Variants in STARD8 observed in about 807,000 individuals in gnomAD.
The protein encoded by STARD8 is StAR related lipid transfer domain containing 8.
In STARD8, 25 loss-of-function variants were observed where a neutral mutation model predicts 69.4. That is an observed-to-expected ratio of 0.36 (90% CI 0.26 to 0.50). The LOEUF (loss-of-function observed/expected upper bound fraction) is 0.50, where lower values mean the gene tolerates loss of function less well. Among genes scored for constraint, STARD8 ranks in the 20% least tolerant of loss-of-function variants. The pLI, the probability that STARD8 is intolerant of heterozygous loss-of-function variation, is 0.96. For missense variants in STARD8, 921 were observed against 932.5 expected (o/e 0.99, Z 0.16); for synonymous variants, 389 against 374.6 (o/e 1.04, Z -0.45).
At chrX:68,674,021 T>C (rs938918755) in intron 2 of STARD8, among the ~76,000 whole-genome samples, 4 of 111,598 alleles carry the variant, frequency 3.6e-5, no homozygotes, top group African/African-American at 1.3e-4. Context: ...TACCTGGGCA[T>C]GATGGCTCAC....
intron 2 of STARD8, among the ~76,000 whole-genome samples, chrX:68,670,651 C>G (rs187066038): frequency 1.0e-3 from 111 of 111,345 alleles, no homozygotes; most frequent in Middle Eastern, 4.6e-3. Flanking sequence ...GGTGGAAAGA[C>G]AGGTCTGAAA....
intron 1 of STARD8, among the ~76,000 whole-genome samples, chrX:68,661,276 G>C (rs1265325018): frequency 1.8e-5 from 2 of 111,783 alleles, no homozygotes; most frequent in Non-Finnish European, 3.8e-5. Flanking sequence ...CATAGCCTTT[G>C]CAGCTTGTCT....
chrX:68,652,943 C>A (rs796538928), intron 1 of STARD8, among the ~76,000 whole-genome samples: 2 of 15,967 alleles, frequency 1.3e-4, no homozygotes, highest in African/African-American at 4.2e-4. Flanking sequence ...ACCACACACA[C>A]ACACCACACC....
chrX:68,683,439 A>G (rs1011088749), intron 2 of STARD8, among the ~76,000 whole-genome samples: 1 of 111,907 alleles, frequency 8.9e-6, no homozygotes, highest in African/African-American at 3.3e-5. Context: ...CACATGACAA[A>G]CACTCCATAA....
At position 68,718,188 on chromosome X, in the gene STARD8, C is replaced by A; in HGVS notation, c.1274C>A (p.Ser425Ter). The change falls in exon 6 of 15, where the codon TCA becomes TAA. Residue 425 changes from serine (S) to a stop codon, truncating the protein, a stop_gained. Coordinates refer to ENST00000374599, the MANE Select transcript of STARD8 (RefSeq NM_001142503.3). LOFTEE classifies it high-confidence loss of function. Reference protein sequence around the residue: ...PGDEEEEEATSSVEIATVEVK... With the variant: ...PGDEEEEEAT ...GATGAGGAAGAGGAGGAGGCCACTTCATCAGTAGAAATAGCCACAGTTGAG... is the reference window on the plus strand; with the variant it reads ...GATGAGGAAGAGGAGGAGGCCACTTAATCAGTAGAAATAGCCACAGTTGAG... The A allele has an allele frequency of 8.3e-7, 1 of 1,211,748 alleles. No homozygotes were observed. Among genetic ancestry groups the A allele is most frequent in the Non-Finnish European group, 1.1e-6 (1 of 895,489 alleles).
intron 1 of STARD8, among the ~76,000 whole-genome samples, chrX:68,659,238 AT>A (rs2079629827): frequency 8.9e-6 from 1 of 111,859 alleles, no homozygotes; most frequent in Admixed American, 9.5e-5. Context: ...AAGATAGTTG[AT>A]TGATTGCTCT....
intron 2 of STARD8, among the ~76,000 whole-genome samples, chrX:68,711,879 G>A (rs947075617): frequency 9.8e-5 from 11 of 112,775 alleles, no homozygotes; most frequent in African/African-American, 3.5e-4. Flanking sequence ...GATCAGCTCT[G>A]CTGAAGCCAG....
intron 10 of STARD8, 142 bp from the exon 11 acceptor site, chrX:68,721,905 G>A (rs1426196610): frequency 5.1e-6 from 4 of 782,542 alleles, no homozygotes; most frequent in African/African-American, 2.1e-5. Flanking sequence ...ATGCTGTGGA[G>A]CAGGGCCTTC....
At chrX:68,722,196 G>C in intron 11 of STARD8, 35 bp downstream of exon 11, 1 of 1,130,453 alleles carries the variant, frequency 8.8e-7, no homozygotes. Context: ...CTACTTACCA[G>C]ACCTGGGGGA....
In STARD8 at chrX:68,725,830, A is replaced by C. The variant is rs1478361881; in HGVS notation, c.*1408A>C. On this transcript the variant is annotated 3_prime_UTR_variant, in exon 15 of 15. Coordinates refer to ENST00000374599, the MANE Select transcript of STARD8 (RefSeq NM_001142503.3). ...CCTCAAATCAATAAAGCATTACCAG[A>C]GATGCACTTTAACTGTGTGGCTGTC... 2.7e-5 allele frequency: 3 copies of C among 109,384 alleles called. No individual in the cohort carries two copies. Among genetic ancestry groups the C allele is most frequent in the African/African-American group, 1.0e-4 (3 of 29,973 alleles). The allele number at this position is 109,384 out of a possible 1,213,427, so 9.0% of individuals were successfully genotyped here.
At chrX:68,715,137 GGGC>G (rs2080081501) in intron 3 of STARD8, among the ~76,000 whole-genome samples, 154 bp from the exon 4 acceptor site, 1 of 111,554 alleles carries the variant, frequency 9.0e-6, no homozygotes, top group Admixed American at 9.4e-5. Context: ...TGAACTCCCT[GGGC>G]ACCCTCCTTT....
chrX:68,652,881 C>CACACACACACCACACCAA (rs2079561706), intron 1 of STARD8, among the ~76,000 whole-genome samples: 1 of 837 alleles, frequency 1.2e-3, no homozygotes, highest in African/African-American at 4.8e-3. Context: ...ACCCACACCC[C>CACACACACACCACACCAA]ACACACACAC....
Position 68,725,140 on chromosome X carries a change from C to A in STARD8, c.*718C>A, listed in dbSNP as rs945191548. ...TCGAGATGCCAGTGAAACCAGTATT[C>A]CCTGACTTGGGTTTCACACTTTATC... is the stretch of plus-strand genomic sequence containing the variant. On this transcript the variant is annotated 3_prime_UTR_variant, in exon 15 of 15. Coordinates refer to ENST00000374599, the MANE Select transcript of STARD8 (RefSeq NM_001142503.3). The A allele has an allele frequency of 5.4e-5, 6 of 111,181 alleles. No homozygotes were observed. Among genetic ancestry groups the A allele is most frequent in the Non-Finnish European group, 7.5e-5 (4 of 53,027 alleles). The allele number at this position is 111,181 out of a possible 1,213,427, so 9.2% of individuals were successfully genotyped here. A position where few individuals can be genotyped will look rare whatever the true frequency, so the allele number is the denominator to read the frequency against.
At chrX:68,715,401 G>T in intron 4 of STARD8, 26 bp downstream of exon 4, 1 of 1,156,686 alleles carries the variant, frequency 8.6e-7, no homozygotes, top group Non-Finnish European at 1.2e-6. Flanking sequence ...GCCAGGCCTG[G>T]GAAGCCAAAG....
intron 2 of STARD8, among the ~76,000 whole-genome samples, chrX:68,681,090 A>G (rs1275923477): frequency 1.8e-5 from 2 of 111,437 alleles, no homozygotes; most frequent in African/African-American, 6.5e-5. Context: ...GCACACATAT[A>G]CACTGTTTCT....
At chrX:68,703,429 G>A (rs1402152211) in intron 2 of STARD8, among the ~76,000 whole-genome samples, 1 of 112,622 alleles carries the variant, frequency 8.9e-6, no homozygotes, top group African/African-American at 3.2e-5. Flanking sequence ...CATGGCCTGA[G>A]CATGCACGTC....
At chrX:68,714,067 G>A (rs2080073047) in intron 3 of STARD8, among the ~76,000 whole-genome samples, 1 of 111,879 alleles carries the variant, frequency 8.9e-6, no homozygotes, top group Non-Finnish European at 1.9e-5. Context: ...TACCTCCACT[G>A]CCACAGCCTG....
chrX:68,705,786 C>A (rs936375521), intron 2 of STARD8, among the ~76,000 whole-genome samples: 1 of 112,786 alleles, frequency 8.9e-6, no homozygotes, highest in Non-Finnish European at 1.9e-5. Context: ...GCATTTACTC[C>A]TTGACCCCCA....
In STARD8 at chrX:68,717,497, G is replaced by A; in HGVS notation, c.583G>A (p.Gly195Ser). The change falls in exon 6 of 15, where the codon GGT becomes AGT. Residue 195 changes from glycine (G) to serine (S), a missense_variant. Coordinates refer to ENST00000374599, the MANE Select transcript of STARD8 (RefSeq NM_001142503.3). ...PLLSPTQGQE[G>S]PQDKAKKRHR... ...CCTCAGCCCCACCCAGGGCCAGGAGGGTCCCCAGGACAAAGCCAAGAAGCG... is the reference window on the plus strand; with the variant it reads ...CCTCAGCCCCACCCAGGGCCAGGAGAGTCCCCAGGACAAAGCCAAGAAGCG... 8 of 1,210,753 alleles carry A rather than the reference G, an allele frequency of 6.6e-6. No individual in the cohort carries two copies. Among genetic ancestry groups the A allele is most frequent in the Non-Finnish European group, 8.9e-6 (8 of 895,522 alleles).
Sources: allele counts gnomAD v4.1 joint callset (sites outside exome capture counted in the v4.1 genomes callset), GRCh38; gene constraint gnomAD v4.1.1; transcripts MANE v1.5; gene names NCBI Gene and HGNC (gene_info 2026-07-23, HGNC 2026-07-21).